The following WIPF2 variants were observed in gnomAD, a reference collection of about 807,000 sequenced individuals.
WIPF2 encodes WAS/WASL-interacting protein family member 2.
Under a neutral mutation model 38.8 loss-of-function variants are expected in WIPF2, and 23 were observed. The observed-to-expected ratio is 0.59, with a 90% CI of 0.43 to 0.84. WIPF2 has a LOEUF of 0.84. WIPF2 is among the 40% of genes least tolerant of loss of function. The pLI is 0.00. For synonymous variants in WIPF2, 210 were observed against 223.2 expected (o/e 0.94, Z 0.53); for missense variants, 574 against 580.5 (o/e 0.99, Z 0.11).
intron 2 of WIPF2, among the ~76,000 whole-genome samples, chr17:40,257,253 AG>A (rs1447352502): frequency 6.6e-6 from 1 of 152,102 alleles, no homozygotes; most frequent in African/African-American, 2.4e-5. Flanking sequence ...CCGGGATTAC[AG>A]GTGTGAGCCA....
At chr17:40,228,306 C>T (rs370054648) in intron 1 of WIPF2, among the ~76,000 whole-genome samples, 5 of 152,028 alleles carry the variant, frequency 3.3e-5, no homozygotes, top group Admixed American at 6.6e-5. Context: ...TGAGCCACCG[C>T]GCCCGGCCAT....
At chr17:40,230,199 C>T (rs1000080665) in intron 1 of WIPF2, among the ~76,000 whole-genome samples, 2 of 152,048 alleles carry the variant, frequency 1.3e-5, no homozygotes, top group Non-Finnish European at 2.9e-5. Context: ...ATTAGCTGGG[C>T]ATGGTGATGA....
intron 1 of WIPF2, among the ~76,000 whole-genome samples, chr17:40,245,184 CT>C (rs1298585885): frequency 6.6e-6 from 1 of 152,046 alleles, no homozygotes; most frequent in Non-Finnish European, 1.5e-5. Context: ...TTATGATTCT[CT>C]GTTTTTTTTA....
intron 5 of WIPF2, among the ~76,000 whole-genome samples, chr17:40,273,194 G>A (rs1210156103): frequency 1.3e-5 from 2 of 151,898 alleles, no homozygotes; most frequent in East Asian, 1.9e-4. Flanking sequence ...CCACCACACC[G>A]GGCTAATTTT....
intron 1 of WIPF2, chr17:40,220,633 T>TA (rs1567705956): frequency 2.3e-5 from 3 of 129,244 alleles, no homozygotes; most frequent in African/African-American, 9.0e-5. Context: ...ATATATATAT[T>TA]TTTTTGTTGT....
rs749602937 is a variant in WIPF2 at position 40,256,458 on chromosome 17, G to C, written c.-2G>C. 2 of 1,609,506 alleles carry C rather than the reference G, an allele frequency of 1.2e-6. No homozygotes were observed. The highest frequency in any genetic ancestry group is 1.7e-6 in the Non-Finnish European group (2 of 1,178,334). On this transcript the variant is annotated 5_prime_UTR_variant, in exon 2 of 8. Coordinates refer to ENST00000323571, the MANE Select transcript of WIPF2 (RefSeq NM_133264.5). Reference sequence around the variant, plus strand: ...ACAGTGCCAACTGGGAGCAGGGCAAGAATGCCAATTCCTCCTCCCCCGCCA... The same window carrying C: ...ACAGTGCCAACTGGGAGCAGGGCAACAATGCCAATTCCTCCTCCCCCGCCA...
At chr17:40,248,489 A>G (rs9897092) in intron 1 of WIPF2, among the ~76,000 whole-genome samples, 19,227 of 152,010 alleles carry the variant, frequency 0.13, 1,344 homozygotes, top group East Asian at 0.3. Context: ...TTCTTATTAA[A>G]TAGAGACAAG....
intron 7 of WIPF2, 57 bp from the exon 8 acceptor site, chr17:40,278,128 G>A (rs1419557706): frequency 6.3e-7 from 1 of 1,575,608 alleles, no homozygotes; most frequent in Admixed American, 1.8e-5. Flanking sequence ...TGTGTGGGTT[G>A]TTCAGATTCT....
At chr17:40,277,757 C>T (rs1475603922) in intron 7 of WIPF2, among the ~76,000 whole-genome samples, 2 of 95,682 alleles carry the variant, frequency 2.1e-5, no homozygotes, top group East Asian at 3.6e-4. Flanking sequence ...TAGGGTCTCC[C>T]TATCGTCACC....
intron 1 of WIPF2, among the ~76,000 whole-genome samples, chr17:40,236,910 A>G (rs2030994358): frequency 6.6e-6 from 1 of 151,974 alleles, no homozygotes; most frequent in South Asian, 2.1e-4. Context: ...GTTTGATGCT[A>G]TTTTGACTCT....
intron 1 of WIPF2, among the ~76,000 whole-genome samples, chr17:40,246,967 C>A (rs955389398): frequency 2.0e-5 from 3 of 151,432 alleles, no homozygotes; most frequent in Admixed American, 6.6e-5. Flanking sequence ...AGAAATTAGC[C>A]GGGTGTGGTG....
At chr17:40,271,587 A>C (rs1182009973) in intron 5 of WIPF2, among the ~76,000 whole-genome samples, 1 of 152,192 alleles carries the variant, frequency 6.6e-6, no homozygotes, top group Non-Finnish European at 1.5e-5. Context: ...GGTTGGGAAG[A>C]TACTATGCAG....
chr17:40,275,347 C>T (rs2032366625), intron 6 of WIPF2, among the ~76,000 whole-genome samples: 1 of 151,992 alleles, frequency 6.6e-6, no homozygotes, highest in African/African-American at 2.4e-5. Context: ...CTCTGGGCCT[C>T]ACTTCCCTTA....
chr17:40,242,395 A>AT (rs2031219321), intron 1 of WIPF2, among the ~76,000 whole-genome samples: 1 of 151,630 alleles, frequency 6.6e-6, no homozygotes, highest in South Asian at 2.1e-4. Flanking sequence ...AAACCAAGAA[A>AT]TTTTTTGTTG....
In WIPF2 at chr17:40,277,794, C is replaced by T. The variant is rs1303242122; in HGVS notation, c.1283-391C>T. On this transcript the variant is annotated intron_variant, in intron 7 of 7. Transcript: ENST00000323571. ...AGGCTGGAGTGCAGTGGTGCCATCT[C>T]GGCTCACCCCAAACCTCTGCCTCCC... is the stretch of plus-strand genomic sequence containing the variant. Among the ~76,000 whole-genome samples the T allele has an allele frequency of 7.7e-5, 11 of 143,654 alleles. 1 individual carries two copies. The East Asian group carries it at 8.8e-4, about 11-fold the overall frequency. 94.2% of individuals were successfully genotyped at this position (143,654 alleles called of 152,430 possible). A position where few individuals can be genotyped will look rare whatever the true frequency, so the allele number is the denominator to read the frequency against.
chr17:40,274,719 A>G (rs533184934), intron 6 of WIPF2, among the ~76,000 whole-genome samples: 1 of 151,456 alleles, frequency 6.6e-6, no homozygotes, highest in African/African-American at 2.4e-5. Flanking sequence ...AGGTGGGAGG[A>G]TTGCTTTTAG....
At chr17:40,223,655 A>C (rs1280163646) in intron 1 of WIPF2, among the ~76,000 whole-genome samples, 2 of 142,646 alleles carry the variant, frequency 1.4e-5, no homozygotes, top group African/African-American at 2.7e-5. Context: ...GCTGGAGTGC[A>C]ATGGCATGAT....
rs755516151 is a variant in WIPF2 at position 40,278,240 on chromosome 17, C to A, written c.*15C>A. On this transcript the variant is annotated 3_prime_UTR_variant, in exon 8 of 8. Transcript: ENST00000323571. ...TTCTCAGGTGAAGCCTGGCTTGGTC[C>A]CGTTCCTCAGGAAAAGGATGGACCT... is the stretch of plus-strand genomic sequence containing the variant. 1 of 1,613,500 alleles carries A rather than the reference C, an allele frequency of 6.2e-7. No individual in the cohort carries two copies. The highest frequency in any genetic ancestry group is 1.1e-5 in the South Asian group (1 of 90,904).
At chr17:40,226,375 AT>A (rs532034847) in intron 1 of WIPF2, among the ~76,000 whole-genome samples, 155 of 141,336 alleles carry the variant, frequency 1.1e-3, no homozygotes, top group African/African-American at 1.5e-3. Flanking sequence ...GGCTAATTTA[AT>A]TTTTTTTTTT....
Sources: gnomAD v4.1 joint callset for allele counts (sites outside exome capture counted in the v4.1 genomes callset) on GRCh38, gnomAD v4.1.1 for gene constraint, MANE v1.5 for transcripts, NCBI Gene and HGNC (gene_info 2026-07-23, HGNC 2026-07-21) for gene names.